The following SOX5 variants were observed in gnomAD, a reference collection of about 807,000 sequenced individuals.
SOX5 encodes the protein transcription factor SOX-5.
Under a neutral mutation model 92.0 loss-of-function variants are expected in SOX5, and 9 were observed. That is an observed-to-expected ratio of 0.10 (90% CI 0.06 to 0.17). SOX5 has a LOEUF of 0.17. Among genes scored for constraint, SOX5 ranks in the 10% least tolerant of loss-of-function variants. The pLI, the probability that SOX5 is intolerant of heterozygous loss-of-function variation, is 1.00. For synonymous variants in SOX5, 344 were observed against 336.3 expected (o/e 1.02, Z -0.25); for missense variants, 642 against 944.5 (o/e 0.68, Z 4.20).
chr12:24,192,322 C>G (rs1447121169), intron 4 of SOX5, among the ~76,000 whole-genome samples: 2 of 152,110 alleles, frequency 1.3e-5, no homozygotes, highest in African/African-American at 4.8e-5. Flanking sequence ...TTCATTTTAT[C>G]ATTTTTCTTG....
chr12:24,043,569 T>G (rs1956723338), intron 4 of SOX5, among the ~76,000 whole-genome samples: 1 of 152,172 alleles, frequency 6.6e-6, no homozygotes, highest in Non-Finnish European at 1.5e-5. Context: ...TTACTGAATT[T>G]CCCCAGAAAT....
At chr12:23,876,563 A>T (rs1463701241) in intron 2 of SOX5, among the ~76,000 whole-genome samples, 1 of 152,210 alleles carries the variant, frequency 6.6e-6, no homozygotes, top group Non-Finnish European at 1.5e-5. Flanking sequence ...TGTGGAAGAC[A>T]GTGTGGCGAT....
chr12:23,868,441 T>A (rs897379285), intron 2 of SOX5, among the ~76,000 whole-genome samples: 39 of 152,100 alleles, frequency 2.6e-4, no homozygotes, highest in African/African-American at 8.9e-4. Flanking sequence ...AAAGTAGCAA[T>A]ATAGGTACTC....
intron 2 of SOX5, among the ~76,000 whole-genome samples, chr12:24,330,195 A>C (rs1951147182): frequency 6.6e-6 from 1 of 152,254 alleles, no homozygotes; most frequent in South Asian, 2.1e-4. Context: ...GACATAAAAA[A>C]ATTTCTGCCA....
intron 1 of SOX5, among the ~76,000 whole-genome samples, chr12:23,911,723 C>T (rs1034699200): frequency 6.6e-6 from 1 of 152,066 alleles, no homozygotes; most frequent in Non-Finnish European, 1.5e-5. Context: ...ATGACTCCCA[C>T]TAATTATGCA....
intron 4 of SOX5, among the ~76,000 whole-genome samples, chr12:23,983,738 T>C (rs1205607719): frequency 6.6e-6 from 1 of 152,184 alleles, no homozygotes; most frequent in Non-Finnish European, 1.5e-5. Context: ...GATTTATTTT[T>C]TTTGTGGACG....
At chr12:24,230,528 A>T (rs1963159452) in intron 3 of SOX5, 1 of 152,146 alleles carries the variant, frequency 6.6e-6, no homozygotes. Context: ...GCTTAGTGTT[A>T]ATATATGTAA....
intron 11 of SOX5, among the ~76,000 whole-genome samples, chr12:23,552,267 C>A (rs1389436527): frequency 6.6e-6 from 1 of 151,770 alleles, no homozygotes; most frequent in African/African-American, 2.4e-5. Context: ...TAGTTCAGAG[C>A]ACTTGGTAGA....
chr12:24,315,084 T>C (rs1275197314), intron 2 of SOX5, among the ~76,000 whole-genome samples: 1 of 152,164 alleles, frequency 6.6e-6, no homozygotes, highest in African/African-American at 2.4e-5. Flanking sequence ...TAAAGAAACT[T>C]CCCTGAAATC....
chr12:24,019,284 A>C (rs944035480), intron 4 of SOX5, among the ~76,000 whole-genome samples: 1 of 152,214 alleles, frequency 6.6e-6, no homozygotes, highest in African/African-American at 2.4e-5. Flanking sequence ...TAATGCATTG[A>C]AATGAAAATG....
chr12:24,248,452 A>T (rs1442771962), intron 3 of SOX5, among the ~76,000 whole-genome samples: 12 of 152,146 alleles, frequency 7.9e-5, no homozygotes. Flanking sequence ...CCAAGGCTAA[A>T]GTGCAGTGGC....
chr12:23,993,012 G>T (rs1950705215), intron 4 of SOX5, among the ~76,000 whole-genome samples: 1 of 152,140 alleles, frequency 6.6e-6, no homozygotes, highest in Admixed American at 6.6e-5. Context: ...TTATCAATGA[G>T]TATATTGACA....
At chr12:24,210,810 T>G (rs960806490) in intron 4 of SOX5, among the ~76,000 whole-genome samples, 6 of 152,236 alleles carry the variant, frequency 3.9e-5, no homozygotes, top group Non-Finnish European at 5.9e-5. Flanking sequence ...AATATCCTGG[T>G]TAGACAATGT....
intron 3 of SOX5, among the ~76,000 whole-genome samples, chr12:23,765,424 G>A (rs571972845): frequency 2.3e-5 from 3 of 128,094 alleles, no homozygotes; most frequent in East Asian, 2.5e-4. Flanking sequence ...GTTTTCCTTG[G>A]AAGTATTTTC....
chr12:24,097,006 G>T, intron 4 of SOX5, among the ~76,000 whole-genome samples: 1 of 152,088 alleles, frequency 6.6e-6, no homozygotes, highest in Non-Finnish European at 1.5e-5. Flanking sequence ...GTGTTTGAGG[G>T]TTCTAATTTC....
chr12:23,929,695 A>G (rs556284692), intron 1 of SOX5, among the ~76,000 whole-genome samples: 106 of 151,914 alleles, frequency 7.0e-4, no homozygotes, highest in Non-Finnish European at 1.1e-3. Flanking sequence ...ATACTTTTAC[A>G]ATTCTTAATT....
At chr12:23,783,778 G>A (rs1006970016) in intron 3 of SOX5, among the ~76,000 whole-genome samples, 1 of 152,074 alleles carries the variant, frequency 6.6e-6, no homozygotes, top group African/African-American at 2.4e-5. Flanking sequence ...TAATTGACAT[G>A]GAACTGACAG....
At chr12:23,767,920 A>C (rs1160533628) in intron 3 of SOX5, among the ~76,000 whole-genome samples, 2 of 152,118 alleles carry the variant, frequency 1.3e-5, no homozygotes, top group Non-Finnish European at 2.9e-5. Context: ...TATTTAGTAT[A>C]GTTAATGTAT....
At chr12:24,179,647 C>T (rs773305730) in intron 4 of SOX5, among the ~76,000 whole-genome samples, 1 of 152,150 alleles carries the variant, frequency 6.6e-6, no homozygotes, top group Non-Finnish European at 1.5e-5. Context: ...ATGAGATATT[C>T]AACACTTTAT....
Sources: allele counts gnomAD v4.1 joint callset (sites outside exome capture counted in the v4.1 genomes callset), GRCh38; gene constraint gnomAD v4.1.1; transcripts MANE v1.5; gene names NCBI Gene and HGNC (gene_info 2026-07-23, HGNC 2026-07-21).